Variants in HOXC4 observed in about 807,000 individuals in gnomAD.
HOXC4 encodes the protein homeobox protein Hox-C4.
In HOXC4, 15 loss-of-function variants were observed where a neutral mutation model predicts 25.5. The ratio of observed to expected loss-of-function variants is 0.59; its 90% CI spans 0.39 to 0.91. HOXC4 has a LOEUF of 0.91. Among genes scored for constraint, HOXC4 ranks in the 40% least tolerant of loss-of-function variants. The pLI, the probability that HOXC4 is intolerant of heterozygous loss-of-function variation, is 0.00. For missense variants in HOXC4, 342 were observed against 352.4 expected (o/e 0.97, Z 0.24); for synonymous variants, 165 against 148.0 (o/e 1.11, Z -0.83).
At chr12:54,054,461 T>C (rs1937925601) in intron 1 of HOXC4, 100 bp downstream of exon 1, 11 of 584,102 alleles carry the variant, frequency 1.9e-5, no homozygotes, top group African/African-American at 6.2e-5. Context: ...TTTCTCTCCT[T>C]CCCCCTCTCT....
intron 1 of HOXC4, among the ~76,000 whole-genome samples, chr12:54,031,310 G>A (rs1266314627): frequency 6.6e-6 from 1 of 152,238 alleles, no homozygotes; most frequent in Non-Finnish European, 1.5e-5. Context: ...AAACGTAGCG[G>A]AGGCGGAGAG....
At chr12:54,054,466 C>T (rs892664431) in intron 1 of HOXC4, 105 bp downstream of exon 1, 32 of 742,916 alleles carry the variant, frequency 4.3e-5, no homozygotes, top group Non-Finnish European at 6.8e-5. Context: ...CTCCTTCCCC[C>T]TCTCTCTCCA....
intron 1 of HOXC4, among the ~76,000 whole-genome samples, chr12:54,043,968 T>TGTGTGTG (rs1565750575): frequency 6.9e-4 from 42 of 60,502 alleles, no homozygotes; most frequent in East Asian, 6.4e-4. Context: ...GTGTGTGTGT[T>TGTGTGTG]TAGGGAGTAG....
chr12:54,036,976 ACCAGCC>A (rs764002065), intron 1 of HOXC4, among the ~76,000 whole-genome samples: 6 of 152,184 alleles, frequency 3.9e-5, no homozygotes, highest in African/African-American at 7.2e-5. Context: ...GGCAGGGCAC[ACCAGCC>A]CCACCGTGCA....
At chr12:54,044,007 T>A (rs1937640226) in intron 1 of HOXC4, among the ~76,000 whole-genome samples, 1 of 151,566 alleles carries the variant, frequency 6.6e-6, no homozygotes, top group Non-Finnish European at 1.5e-5. Flanking sequence ...TTTTATGTTG[T>A]GTCTCTCCCC....
intron 1 of HOXC4, among the ~76,000 whole-genome samples, chr12:54,038,189 G>A (rs917724899): frequency 2.0e-5 from 3 of 152,130 alleles, no homozygotes; most frequent in Non-Finnish European, 2.9e-5. Context: ...GTAGGAAGAT[G>A]GGGGAGCTTG....
intron 1 of HOXC4, among the ~76,000 whole-genome samples, chr12:54,017,593 C>A (rs1015426384): frequency 6.6e-6 from 1 of 150,692 alleles, no homozygotes. Context: ...ACTGGAATAC[C>A]GGTAACTGGT....
chr12:54,051,269 A>G (rs762744848), upstream of HOXC4, among the ~76,000 whole-genome samples: 13 of 151,198 alleles, frequency 8.6e-5, no homozygotes, highest in Non-Finnish European at 1.5e-5. Context: ...CTCTTCATCA[A>G]CCCTCTCCAC....
At chr12:54,034,270 T>C (rs1941117186) in intron 1 of HOXC4, 1 of 1,612,346 alleles carries the variant, frequency 6.2e-7, no homozygotes, top group Non-Finnish European at 8.5e-7. Flanking sequence ...GTGGGGTTTA[T>C]GTTCCAGAGA....
intron 1 of HOXC4, among the ~76,000 whole-genome samples, chr12:54,038,740 C>T (rs938388521): frequency 6.6e-6 from 1 of 152,140 alleles, no homozygotes; most frequent in African/African-American, 2.4e-5. Flanking sequence ...TAAAACTAGG[C>T]TCTAAGAGCC....
At chr12:54,054,390 C>G (rs755223559) in intron 1 of HOXC4, 29 bp downstream of exon 1, 8 of 1,469,266 alleles carry the variant, frequency 5.4e-6, no homozygotes, top group Non-Finnish European at 7.3e-6. Flanking sequence ...TGCTCCCCCC[C>G]TCCCTCCCTT....
intron 1 of HOXC4, among the ~76,000 whole-genome samples, chr12:54,043,132 AT>A (rs1471855652): frequency 6.6e-6 from 1 of 152,228 alleles, no homozygotes; most frequent in Admixed American, 6.5e-5. Flanking sequence ...TAAGGACCAC[AT>A]TTTAGCAGCT....
At chr12:54,025,566 G>C (rs756483096) in intron 1 of HOXC4, among the ~76,000 whole-genome samples, 1 of 150,766 alleles carries the variant, frequency 6.6e-6, no homozygotes. Context: ...TTTGCCAAAG[G>C]TCTTTAAGCA....
chr12:54,054,901 C>A lies in HOXC4; in HGVS notation c.491C>A (p.Thr164Asn), dbSNP rs777406162. 2.5e-6 allele frequency: 4 copies of A among 1,614,034 alleles called. No individual in the cohort carries two copies. The Admixed American group carries it at 6.7e-5, about 27-fold the overall frequency. Reference protein sequence around the residue: ...GEPKRSRTAYTRQQVLELEKE... With the variant: ...GEPKRSRTAYNRQQVLELEKE... ...CCCAAGCGCTCGAGGACAGCCTATA[C>A]CCGGCAGCAAGTCCTGGAATTAGAG... Residue 164 changes from threonine to asparagine, a missense_variant, in exon 2 of 2, where the codon ACC (threonine) becomes AAC (asparagine). Transcript: ENST00000430889.
rs181084221 is a variant in HOXC4, at chr12:54,037,153, T to A, written c.-123-16007T>A. 6.1e-3 allele frequency among the ~76,000 whole-genome samples: 936 copies of A among 152,320 alleles called. 42 individuals are homozygous for A. The highest frequency in any genetic ancestry group is 0.054 in the Admixed American group (825 of 15,300). On this transcript the variant is annotated intron_variant, in intron 1 of 3. Coordinates refer to the HOXC4 transcript ENST00000303406. ...GGCACCAGCCTTGGCTTCTGCAGCA[T>A]CGTCGGGAGTCAGCGGCGGCAACCA... is the stretch of plus-strand genomic sequence containing the variant.
chr12:54,045,795 A>G (rs1033251554), intron 1 of HOXC4, among the ~76,000 whole-genome samples: 4 of 152,142 alleles, frequency 2.6e-5, no homozygotes, highest in Admixed American at 2.0e-4. Context: ...AAAGCAAGTA[A>G]TTCTGTCTCT....
chr12:54,042,937 C>G (rs1026487698), intron 1 of HOXC4, among the ~76,000 whole-genome samples: 2 of 152,202 alleles, frequency 1.3e-5, no homozygotes, highest in Non-Finnish European at 2.9e-5. Flanking sequence ...GGTTGAGGAA[C>G]TTCGGTGATA....
intron 1 of HOXC4, chr12:54,028,868 A>G: frequency 6.2e-7 from 1 of 1,613,904 alleles, no homozygotes; most frequent in Non-Finnish European, 8.5e-7. Flanking sequence ...CCCCAGGACC[A>G]GAAAGCCAGT....
rs1207391568 is a variant in HOXC4, at chr12:54,054,357, C to T, written c.435C>T (p.Ser145=). 6.5e-7 allele frequency: 1 copy of T among 1,539,272 alleles called. No homozygotes were observed. The highest frequency in any genetic ancestry group is 8.7e-7 in the Non-Finnish European group (1 of 1,145,780). ...VYPWMKKIHV[S]TVNPNYNGGE... The stretch of plus-strand genomic sequence containing the variant: ...CATGGATGAAAAAAATTCACGTTAG[C>T]ACGGGTAGGCAACTTTGCTTTTTGC... The change falls in exon 1 of 2, where the codon AGC becomes AGT. Residue 145 remains serine, a synonymous_variant. Transcript: ENST00000430889.
Sources: allele counts gnomAD v4.1 joint callset (sites outside exome capture counted in the v4.1 genomes callset), GRCh38; gene constraint gnomAD v4.1.1; transcripts MANE v1.5; gene names NCBI Gene and HGNC (gene_info 2026-07-23, HGNC 2026-07-21).